SPATA13: variants seen among roughly 807,000 people sequenced by gnomAD.
SPATA13 encodes spermatogenesis associated 13, also known as spermatogenesis-associated protein 13.
In SPATA13, 50 loss-of-function variants were observed where a neutral mutation model predicts 104.0. That is an observed-to-expected ratio of 0.48 (90% CI 0.38 to 0.61). The LOEUF (loss-of-function observed/expected upper bound fraction) is 0.61, where lower values mean the gene tolerates loss of function less well. Ranked by LOEUF, SPATA13 falls within the 20% of genes least tolerant of loss-of-function variation. The probability of loss-of-function intolerance (pLI) is 0.00; values close to 1 mark genes in which losing one functional copy is unlikely to be tolerated. For synonymous variants in SPATA13, 606 were observed against 667.5 expected (o/e 0.91, Z 1.42); for missense variants, 1,524 against 1,690.6 (o/e 0.90, Z 1.73).
At position 24,236,209 on chromosome 13, in the gene SPATA13, C is replaced by G. The variant is rs148784559; in HGVS notation, c.1653+11627C>G. On this transcript the variant is annotated intron_variant, in intron 2 of 12. Coordinates refer to ENST00000382108, the MANE Select transcript of SPATA13 (RefSeq NM_001166271.3). ...TGAGGAATCACTTAATCTTTCTTAT[C>G]TGTAAAGTAGAATTAAATGCATCTA... Among the ~76,000 whole-genome samples the G allele has an allele frequency of 5.4e-3, 822 of 152,240 alleles. 4 individuals are homozygous for G. The highest frequency in any genetic ancestry group is 0.019 in the African/African-American group (783 of 41,526).
In SPATA13 at chr13:24,190,023, A is replaced by ATC. The variant is rs1337003719; in HGVS notation, c.-112+29091_-112+29092insTC. ...ATAATAATATATTATTATATAACAT[A>ATC]ATGATATACAATATATATTATTATA... On this transcript the variant is annotated intron_variant, in intron 1 of 12. Transcript: ENST00000382108. Among the ~76,000 whole-genome samples, 137 of 85,506 alleles carry ATC rather than the reference A, an allele frequency of 1.6e-3. 36 individuals are homozygous for ATC. The highest frequency in any genetic ancestry group is 7.6e-3 in the African/African-American group (113 of 14,854). 56.1% of individuals were successfully genotyped at this position (85,506 alleles called of 152,430 possible). A position where few individuals can be genotyped will look rare whatever the true frequency, so the allele number is the denominator to read the frequency against.
chr13:24,165,812 A>T (rs541963674), intron 1 of SPATA13, among the ~76,000 whole-genome samples: 1 of 152,244 alleles, frequency 6.6e-6, no homozygotes, highest in Non-Finnish European at 1.5e-5. Context: ...TAATGCGACA[A>T]TTCAGTCTCA....
chr13:24,223,269 T>G lies in SPATA13; in HGVS notation c.340T>G (p.Phe114Val). ...TLASFRKMGS[F>V]KKLKSSVLKG... ...CGCCTCCTTCCGGAAAATGGGATCC[T>G]TTAAGAAACTGAAGTCCTCAGTCCT... is the stretch of plus-strand genomic sequence containing the variant. The change falls in exon 2 of 13, where the codon TTT (phenylalanine) becomes GTT (valine). Residue 114 changes from phenylalanine to valine, a missense_variant. Coordinates refer to ENST00000382108, the MANE Select transcript of SPATA13 (RefSeq NM_001166271.3). The G allele has an allele frequency of 6.4e-7, 1 of 1,551,680 alleles. No homozygotes were observed.
intron 3 of SPATA13, among the ~76,000 whole-genome samples, chr13:24,155,126 G>A (rs1882221569): frequency 6.6e-6 from 1 of 152,190 alleles, no homozygotes; most frequent in Non-Finnish European, 1.5e-5. Flanking sequence ...GGGATTACAG[G>A]CGTGAGCCAC....
chr13:24,121,604 C>T (rs1281975020), intron 3 of SPATA13, among the ~76,000 whole-genome samples: 2 of 151,792 alleles, frequency 1.3e-5, no homozygotes, highest in Non-Finnish European at 2.9e-5. Flanking sequence ...GAATAGATAC[C>T]CAATGGTGAG....
At chr13:24,001,133 C>A (rs983495515) in intron 2 of SPATA13, among the ~76,000 whole-genome samples, 1 of 152,142 alleles carries the variant, frequency 6.6e-6, no homozygotes, top group African/African-American at 2.4e-5. Context: ...CTACTCTCAC[C>A]CCCTACTCTC....
intron 2 of SPATA13, among the ~76,000 whole-genome samples, chr13:24,004,582 CCT>C (rs1300350385): frequency 6.6e-6 from 1 of 152,138 alleles, no homozygotes; most frequent in South Asian, 2.1e-4. Flanking sequence ...TGGGAGTTCT[CCT>C]GGGTGTCCTG....
chr13:24,185,365 A>G (rs993537304), intron 1 of SPATA13, among the ~76,000 whole-genome samples: 4 of 152,012 alleles, frequency 2.6e-5, no homozygotes, highest in African/African-American at 9.7e-5. Context: ...TTAGGGCCCT[A>G]TAATTTAGAT....
intron 3 of SPATA13, among the ~76,000 whole-genome samples, chr13:24,056,827 A>G (rs17079849): frequency 0.13 from 19,906 of 152,020 alleles, 1,591 homozygotes; most frequent in East Asian, 0.33. Context: ...CACAGGTCCA[A>G]TTCTGCCCCT....
At chr13:24,197,579 A>C (rs1870134987) in intron 1 of SPATA13, among the ~76,000 whole-genome samples, 1 of 152,172 alleles carries the variant, frequency 6.6e-6, no homozygotes, top group Non-Finnish European at 1.5e-5. Context: ...GATAGAAATA[A>C]TTTGCATCTC....
In SPATA13 at chr13:24,303,708, C is replaced by T. The variant is rs1877377749; in HGVS notation, c.*935C>T. 6.6e-6 allele frequency: 1 copy of T among 152,502 alleles called. No homozygotes were observed. The highest frequency in any genetic ancestry group is 1.5e-5 in the Non-Finnish European group (1 of 68,290). The allele number at this position is 152,502 out of a possible 1,614,324, so 9.4% of individuals were successfully genotyped here. A position where few individuals can be genotyped will look rare whatever the true frequency, so the allele number is the denominator to read the frequency against. ...ATCACCTGAGGTCAGGAGTTCGAGA[C>T]AAGCGTGGCCAATATGGCAAAGCCC... On this transcript the variant is annotated 3_prime_UTR_variant, in exon 13 of 13. Transcript: ENST00000382108.
At chr13:23,990,656 A>G (rs1187909207) in intron 2 of SPATA13, among the ~76,000 whole-genome samples, 2 of 152,166 alleles carry the variant, frequency 1.3e-5, no homozygotes, top group East Asian at 1.9e-4. Flanking sequence ...GCCCTATGCT[A>G]TAATTGTCTA....
intron 3 of SPATA13, among the ~76,000 whole-genome samples, chr13:24,139,347 T>G (rs1174046038): frequency 6.6e-6 from 1 of 152,194 alleles, no homozygotes; most frequent in Non-Finnish European, 1.5e-5. Flanking sequence ...AGATTGAGAC[T>G]CCAGCTTACC....
upstream of SPATA13, chr13:24,160,611 T>C: frequency 1.8e-6 from 1 of 541,664 alleles, no homozygotes; most frequent in Non-Finnish European, 2.2e-6. Flanking sequence ...GCCGAGGGTG[T>C]GGCCTGAGGG....
intron 2 of SPATA13, among the ~76,000 whole-genome samples, chr13:23,998,798 C>T (rs1332965729): frequency 6.6e-6 from 1 of 152,180 alleles, no homozygotes; most frequent in Non-Finnish European, 1.5e-5. Context: ...ACATGAACAT[C>T]CATCTGTTCC....
intron 2 of SPATA13, among the ~76,000 whole-genome samples, chr13:24,238,226 G>A (rs907213965): frequency 1.4e-5 from 2 of 145,316 alleles, no homozygotes; most frequent in Non-Finnish European, 3.0e-5. Flanking sequence ...GCATAATCTC[G>A]GCTCACTGCA....
At chr13:24,251,511 C>T (rs982473541) in intron 3 of SPATA13, 20 of 985,432 alleles carry the variant, frequency 2.0e-5, no homozygotes, top group South Asian at 4.7e-5. Context: ...CTGCAGGGTG[C>T]GGGCCAGTAA....
rs1879810260 is a variant in SPATA13, at chr13:24,088,605, T to C, written c.-112+70904T>C. 1.3e-5 allele frequency among the ~76,000 whole-genome samples: 2 copies of C among 152,066 alleles called. No homozygotes were observed. The highest frequency in any genetic ancestry group is 1.3e-4 in the Admixed American group (2 of 15,286). ...TTTAAAATGACATAATAAACACATC[T>C]CTTTAACCTCAATTTTCTCTTTCCC... On this transcript the variant is annotated intron_variant, in intron 3 of 14. Coordinates refer to the SPATA13 transcript ENST00000424834. This position sits in a 1 kb window ranked among gnomAD's most constrained non-coding sequence, Gnocchi z 4.3.
rs79540826 is a variant in SPATA13, at chr13:24,224,625, C to T, written c.1653+43C>T. ...GTCCCTCATGTGGGCGACCCTCCTG[C>T]GGGAAGGGAGCTTGCACAGGTGTTG... On this transcript the variant is annotated intron_variant, in intron 2 of 12. Coordinates refer to ENST00000382108, the MANE Select transcript of SPATA13 (RefSeq NM_001166271.3). 3.0e-3 allele frequency: 4,641 copies of T among 1,532,272 alleles called. 121 individuals carry two copies. The African/African-American group carries it at 0.054, about 18-fold the overall frequency. 94.9% of individuals were successfully genotyped at this position (1,532,272 alleles called of 1,614,324 possible). A position where few individuals can be genotyped will look rare whatever the true frequency, so the allele number is the denominator to read the frequency against.
Sources: gnomAD v4.1 joint callset for allele counts (sites outside exome capture counted in the v4.1 genomes callset) on GRCh38, gnomAD v4.1.1 for gene constraint, Gnocchi (gnomAD v3.1) non-coding constraint, MANE v1.5 for transcripts, NCBI Gene and HGNC (gene_info 2026-07-23, HGNC 2026-07-21) for gene names.